Variants in HECW2 observed in about 807,000 individuals in gnomAD.
HECW2 encodes the protein E3 ubiquitin-protein ligase HECW2.
HECW2 carries 61 observed loss-of-function variants against 175.2 expected under a neutral mutation model. That is an observed-to-expected ratio of 0.35 (90% CI 0.28 to 0.43). The LOEUF (loss-of-function observed/expected upper bound fraction) is 0.43. Ranked by LOEUF, HECW2 falls within the 20% of genes least tolerant of loss-of-function variation. The probability of loss-of-function intolerance (pLI) is 1.00; values close to 1 mark genes in which losing one functional copy is unlikely to be tolerated. For synonymous variants in HECW2, 671 were observed against 731.0 expected, an observed-to-expected ratio of 0.92 and a Z score of 1.32; for missense variants, 1,524 against 2,000.5, an observed-to-expected ratio of 0.76 and a Z score of 4.54.
intron 2 of HECW2, among the ~76,000 whole-genome samples, chr2:196,373,359 G>C (rs1426036482): frequency 6.6e-6 from 1 of 152,126 alleles, no homozygotes; most frequent in African/African-American, 2.4e-5. Flanking sequence ...ATTTCTTTTA[G>C]TGTACCACAT....
intron 4 of HECW2, among the ~76,000 whole-genome samples, chr2:196,331,943 A>G (rs1692377010): frequency 1.3e-5 from 2 of 152,228 alleles, no homozygotes; most frequent in African/African-American, 4.8e-5. Context: ...AAGAACGTCA[A>G]CCAAGTGTTG....
chr2:196,257,990 G>A (rs1260500884), intron 17 of HECW2, 84 bp from the exon 18 acceptor site: 2 of 955,844 alleles, frequency 2.1e-6, no homozygotes, highest in East Asian at 2.4e-5. Flanking sequence ...TTTTATAATA[G>A]TCATGATGTT....
In HECW2 at chr2:196,319,271, G is replaced by T. The variant is rs1205215035; in HGVS notation, c.1619C>A (p.Ser540Tyr). 1.2e-6 allele frequency: 2 copies of T among 1,608,174 alleles called. No individual in the cohort carries two copies. Among genetic ancestry groups the T allele is most frequent in the South Asian group, 1.1e-5 (1 of 89,460 alleles). ...CTCTGGGGCTGGGCCTGCAGGTAAGGAGCTCTCTGCAAGCTCTGGAAGATT... is the reference window on the plus strand; with the variant it reads ...CTCTGGGGCTGGGCCTGCAGGTAAGTAGCTCTCTGCAAGCTCTGGAAGATT... ...PENLPELAES[S>Y]LPAGPAPEEG... Residue 540 changes from serine (S) to tyrosine (Y), a missense_variant, in exon 9 of 29, where the codon TCC (serine) becomes TAC (tyrosine). Physicochemically the swap from Ser to Tyr is moderately radical, Grantham distance 144. Coordinates refer to ENST00000644978, the MANE Select transcript of HECW2 (RefSeq NM_001348768.2).
chr2:196,525,132 C>G (rs1437713066), intron 1 of HECW2, among the ~76,000 whole-genome samples: 1 of 145,148 alleles, frequency 6.9e-6, no homozygotes, highest in African/African-American at 2.6e-5. Flanking sequence ...GTAGGTCACT[C>G]AGGACTTGCT....
At chr2:196,541,534 A>C (rs1366368089) in intron 1 of HECW2, among the ~76,000 whole-genome samples, 3 of 152,134 alleles carry the variant, frequency 2.0e-5, no homozygotes, top group Non-Finnish European at 4.4e-5. Context: ...TGATGAAAGC[A>C]CGGAGGAAGG....
chr2:196,297,696 A>G (rs1690871815), intron 13 of HECW2, among the ~76,000 whole-genome samples: 1 of 152,252 alleles, frequency 6.6e-6, no homozygotes, highest in South Asian at 2.1e-4. Flanking sequence ...GGCATTCTGA[A>G]TTCAGGTTTG....
At position 196,241,156 on chromosome 2, in the gene HECW2, T is replaced by G. The variant is rs937101802; in HGVS notation, c.3651-594A>C. 2.6e-5 allele frequency among the ~76,000 whole-genome samples: 4 copies of G among 152,190 alleles called. No individual in the cohort carries two copies. The East Asian group carries it at 7.7e-4, about 29-fold the overall frequency. On this transcript the variant is annotated intron_variant, in intron 20 of 28. Transcript: ENST00000644978. ...GTTAATCTACTTGTGATGATGCCAATTAAAGTCATCCTTCCATAGATATCA... is the reference window on the plus strand; with the variant it reads ...GTTAATCTACTTGTGATGATGCCAAGTAAAGTCATCCTTCCATAGATATCA...
chr2:196,523,473 C>T (rs566030248), intron 1 of HECW2, among the ~76,000 whole-genome samples: 2 of 151,002 alleles, frequency 1.3e-5, no homozygotes, highest in Admixed American at 1.3e-4. Flanking sequence ...TTATTTCCTT[C>T]TCCTGCCTAA....
intron 13 of HECW2, among the ~76,000 whole-genome samples, chr2:196,296,075 T>C (rs979563937): frequency 9.9e-5 from 15 of 151,696 alleles, no homozygotes; most frequent in African/African-American, 3.6e-4. Flanking sequence ...TATGTTTCTA[T>C]AAAAAAAACT....
intron 1 of HECW2, among the ~76,000 whole-genome samples, chr2:196,531,106 C>T (rs1688824733): frequency 2.0e-5 from 3 of 152,178 alleles, no homozygotes; most frequent in African/African-American, 7.2e-5. Context: ...TCATTTTACG[C>T]ACTGTGGTTC....
chr2:196,301,994 T>G (rs113180575), intron 13 of HECW2, among the ~76,000 whole-genome samples: 23,314 of 152,194 alleles, frequency 0.15, 2,070 homozygotes, highest in Middle Eastern at 0.25. Flanking sequence ...CTAGATTTTT[T>G]TGTAGGGTTT....
intron 1 of HECW2, among the ~76,000 whole-genome samples, chr2:196,522,136 C>T (rs1209504398): frequency 6.6e-6 from 1 of 152,140 alleles, no homozygotes; most frequent in Non-Finnish European, 1.5e-5. Flanking sequence ...ACATCCTCTC[C>T]AGCATCTGTT....
chr2:196,304,001 C>T (rs1179473852), intron 13 of HECW2, among the ~76,000 whole-genome samples: 1 of 152,206 alleles, frequency 6.6e-6, no homozygotes, highest in African/African-American at 2.4e-5. Context: ...CACTTAGTCT[C>T]CCTGATGCCA....
chr2:196,414,186 G>A (rs368176995), intron 2 of HECW2, among the ~76,000 whole-genome samples: 1 of 152,172 alleles, frequency 6.6e-6, no homozygotes, highest in South Asian at 2.1e-4. Flanking sequence ...CTCTCCAGGG[G>A]ACTTGAGCAC....
At chr2:196,539,081 A>C (rs1203512545) in intron 1 of HECW2, among the ~76,000 whole-genome samples, 1 of 152,236 alleles carries the variant, frequency 6.6e-6, no homozygotes, top group Non-Finnish European at 1.5e-5. Flanking sequence ...ATAGTGGCAG[A>C]AGTCCAGAAG....
At position 196,318,595 on chromosome 2, in the gene HECW2, G is replaced by A; in HGVS notation, c.2295C>T (p.Gly765=). The part of the protein sequence containing the change: ...QEEGSAGEAQ[G]TCEGATAQEE... ...CCTGGGCAGTTGCCCCTTCACAGGTGCCTTGGGCCTCCCCAGCACTGCCTT... is the reference window on the plus strand; with the variant it reads ...CCTGGGCAGTTGCCCCTTCACAGGTACCTTGGGCCTCCCCAGCACTGCCTT... The change falls in exon 9 of 29, where the codon GGC becomes GGT. Residue 765 remains glycine (G), a synonymous_variant. Coordinates refer to ENST00000644978, the MANE Select transcript of HECW2 (RefSeq NM_001348768.2). 6.5e-7 allele frequency: 1 copy of A among 1,545,680 alleles called. No individual in the cohort carries two copies. Among genetic ancestry groups the A allele is most frequent in the Non-Finnish European group, 8.7e-7 (1 of 1,146,878 alleles).
rs995321696 is a variant in HECW2, at chr2:196,292,699, T to C, written c.2866A>G (p.Lys956Glu). 1 of 1,614,114 alleles carries C rather than the reference T, an allele frequency of 6.2e-7. No homozygotes were observed. The highest frequency in any genetic ancestry group is 8.5e-7 in the Non-Finnish European group (1 of 1,179,940). Reference protein sequence around the residue: ...NNTCLKHMITKVRRDTHHFER... With the variant: ...NNTCLKHMITEVRRDTHHFER... ...AAGTGGTGGGTGTCCCTCCGGACTT[T>C]GGTGATCATGTGCTTCAAACACGTG... Residue 956 changes from lysine to glutamate, a missense_variant, in exon 14 of 29, where the codon AAA becomes GAA. Coordinates refer to ENST00000644978, the MANE Select transcript of HECW2 (RefSeq NM_001348768.2).
intron 1 of HECW2, among the ~76,000 whole-genome samples, chr2:196,568,283 T>C (rs1395241916): frequency 9.9e-5 from 15 of 152,200 alleles, no homozygotes; most frequent in African/African-American, 3.6e-4. Context: ...TATGAAATCT[T>C]ACATCCTAAA....
At chr2:196,340,053 A>G (rs778643979) in intron 3 of HECW2, among the ~76,000 whole-genome samples, 2 of 152,196 alleles carry the variant, frequency 1.3e-5, no homozygotes, top group African/African-American at 4.8e-5. Context: ...TAATAGATCA[A>G]TTTTCAGAGA....
Sources: allele counts gnomAD v4.1 joint callset (sites outside exome capture counted in the v4.1 genomes callset), GRCh38; gene constraint gnomAD v4.1.1; transcripts MANE v1.5; gene names NCBI Gene and HGNC (gene_info 2026-07-23, HGNC 2026-07-21).